The following FLRT1 variants were observed in gnomAD, a reference collection of about 807,000 sequenced individuals.
FLRT1 encodes the protein fibronectin leucine rich transmembrane protein 1.
A neutral mutation model predicts 30.9 loss-of-function variants in FLRT1; 14 were observed. The observed-to-expected ratio is 0.45, with a 90% CI of 0.30 to 0.71. FLRT1 has a LOEUF of 0.71. FLRT1 is among the 30% of genes least tolerant of loss of function. The pLI is 0.08. For missense variants in FLRT1, 737 were observed against 949.2 expected (o/e 0.78, Z 2.94); for synonymous variants, 368 against 430.4 (o/e 0.85, Z 1.80).
chr11:64,114,512 G>A lies in FLRT1; in HGVS notation c.-49-1707G>A, dbSNP rs1204533907. Among the ~76,000 whole-genome samples the A allele has an allele frequency of 2.1e-4, 32 of 149,550 alleles. 2 individuals are homozygous for A. In the Admixed American group the frequency reaches 2.1e-3, roughly 10 times the overall value. On this transcript the variant is annotated intron_variant, in intron 2 of 2. Transcript: ENST00000682287. ...GAATGGATGGATGGATGGATGAATG[G>A]ATGGATGGATGGACAGGTGGATGTA... is the stretch of plus-strand genomic sequence containing the variant.
At chr11:64,048,039 G>A in intron 1 of FLRT1, among the ~76,000 whole-genome samples, 1 of 152,184 alleles carries the variant, frequency 6.6e-6, no homozygotes, top group South Asian at 2.1e-4. Context: ...TGGGGATGCT[G>A]GCAGGCCCTG....
rs1279821872 is a variant in FLRT1, at chr11:64,064,935, C to T, written c.-1038+28776C>T. ...CCAGGCAAGGCGGCAGGCAGGAGGG[C>T]CACCATGGTGACTGAGACAGACTCA... is the stretch of plus-strand genomic sequence containing the variant. On this transcript the variant is annotated intron_variant, in intron 1 of 2. Coordinates refer to ENST00000682287, the MANE Select transcript of FLRT1 (RefSeq NM_013280.5). This position sits in a 1 kb window ranked among gnomAD's most constrained non-coding sequence, Gnocchi z 4.5. 6.6e-6 allele frequency among the ~76,000 whole-genome samples: 1 copy of T among 151,744 alleles called. No individual in the cohort carries two copies. The highest frequency in any genetic ancestry group is 1.5e-5 in the Non-Finnish European group (1 of 67,894).
chr11:64,086,591 G>A (rs1322833730), intron 1 of FLRT1, among the ~76,000 whole-genome samples: 1 of 152,112 alleles, frequency 6.6e-6, no homozygotes, highest in Non-Finnish European at 1.5e-5. Flanking sequence ...TTTGCACAGC[G>A]GTTCTGCGAC....
At chr11:64,079,042 T>C (rs1944257163) in intron 1 of FLRT1, among the ~76,000 whole-genome samples, 1 of 141,332 alleles carries the variant, frequency 7.1e-6, no homozygotes, top group Non-Finnish European at 1.5e-5. Context: ...AGGGGCTTGC[T>C]GAGCCGCTGT....
chr11:64,056,383 C>G (rs1943785855), intron 1 of FLRT1, among the ~76,000 whole-genome samples: 1 of 152,180 alleles, frequency 6.6e-6, no homozygotes. Flanking sequence ...TGAACAGGCC[C>G]CCTCTCCTAG....
At chr11:64,107,344 C>G (rs1002766686) in intron 2 of FLRT1, among the ~76,000 whole-genome samples, 4 of 152,108 alleles carry the variant, frequency 2.6e-5, no homozygotes, top group African/African-American at 7.2e-5. Flanking sequence ...TTCATCCCCC[C>G]ACCCCCTCCT....
chr11:64,043,431 A>T (rs1943526330), intron 1 of FLRT1, among the ~76,000 whole-genome samples: 1 of 152,170 alleles, frequency 6.6e-6, no homozygotes, highest in Non-Finnish European at 1.5e-5. Flanking sequence ...ATCAGGGAGC[A>T]GTGGACTCTA....
intron 1 of FLRT1, among the ~76,000 whole-genome samples, chr11:64,048,348 C>T (rs1943625215): frequency 6.6e-6 from 1 of 152,222 alleles, no homozygotes; most frequent in African/African-American, 2.4e-5. Flanking sequence ...CCTGCCCTGA[C>T]CCGGGGTCAG....
intron 1 of FLRT1, among the ~76,000 whole-genome samples, chr11:64,091,234 C>T (rs1002217501): frequency 2.0e-4 from 30 of 152,066 alleles, no homozygotes; most frequent in African/African-American, 7.2e-4. Context: ...GCAGGGTCTG[C>T]AGCCCACGGA....
chr11:64,118,810 T>C lies in FLRT1; in HGVS notation c.*518T>C, dbSNP rs1945045325. On this transcript the variant is annotated 3_prime_UTR_variant, in exon 3 of 3. Coordinates refer to ENST00000682287, the MANE Select transcript of FLRT1 (RefSeq NM_013280.5). ...AGGAGAGAGGGAAGAAAAGATCTTT[T>C]GCCCTGGAGATATGGTCCTGAAATC... The C allele has an allele frequency of 1.2e-5, 2 of 167,578 alleles. No homozygotes were observed. The highest frequency in any genetic ancestry group is 4.8e-5 in the African/African-American group (2 of 41,460). 10.4% of individuals were successfully genotyped at this position (167,578 alleles called of 1,614,324 possible). A position where few individuals can be genotyped will look rare whatever the true frequency, so the allele number is the denominator to read the frequency against.
chr11:64,073,326 C>T (rs561523935), intron 1 of FLRT1, among the ~76,000 whole-genome samples: 6 of 152,328 alleles, frequency 3.9e-5, no homozygotes, highest in Admixed American at 3.9e-4. Flanking sequence ...AGCAGACTCC[C>T]ACTCCCCCAT....
intron 1 of FLRT1, among the ~76,000 whole-genome samples, chr11:64,044,890 C>A (rs1289022724): frequency 6.6e-6 from 1 of 152,206 alleles, no homozygotes; most frequent in Admixed American, 6.5e-5. Flanking sequence ...TCCTGAGGCC[C>A]CACTGTGTGC....
chr11:64,076,965 C>T (rs1405389260), intron 1 of FLRT1, among the ~76,000 whole-genome samples: 1 of 152,144 alleles, frequency 6.6e-6, no homozygotes, highest in African/African-American at 2.4e-5. Context: ...GGGTTATCAC[C>T]TCCTAAAAAT....
At chr11:64,050,719 A>G (rs1943677413) in intron 1 of FLRT1, among the ~76,000 whole-genome samples, 1 of 152,194 alleles carries the variant, frequency 6.6e-6, no homozygotes. Context: ...CCCGGGTTCA[A>G]GCGATTCTCC....
chr11:64,045,210 C>A (rs559817638), intron 1 of FLRT1, among the ~76,000 whole-genome samples: 9 of 152,140 alleles, frequency 5.9e-5, no homozygotes, highest in African/African-American at 2.2e-4. Flanking sequence ...CCCGCTGGTG[C>A]CCTCGGGAGG....
At position 64,116,665 on chromosome 11, in the gene FLRT1, A is replaced by C; in HGVS notation, c.398A>C (p.His133Pro). The change falls in exon 3 of 3, where the codon CAC becomes CCC. Residue 133 changes from histidine to proline, a missense_variant. Transcript: ENST00000682287. ...CTGCCCCGCTCCCTCCGGGAGCTGC[A>C]CCTGCAGGACAACAATGTGCGCACC... ...INLPRSLREL[H>P]LQDNNVRTIA... is the part of the protein sequence containing the mutation. 1 of 1,613,838 alleles carries C rather than the reference A, an allele frequency of 6.2e-7. No individual in the cohort carries two copies. The highest frequency in any genetic ancestry group is 8.5e-7 in the Non-Finnish European group (1 of 1,179,976).
At chr11:64,061,702 C>CT (rs35179984) in intron 1 of FLRT1, among the ~76,000 whole-genome samples, 32,121 of 141,766 alleles carry the variant, frequency 0.23, 3,703 homozygotes, top group Non-Finnish European at 0.25. Context: ...GTAAATGAGA[C>CT]TTTTTTTTTT....
rs747095942 is a variant in FLRT1, at chr11:64,117,434, T to G, written c.1167T>G (p.Asn389Lys). ...FETGPQGGVANAAAKTTASNH... is the reference protein window; with the variant it reads ...FETGPQGGVAKAAAKTTASNH... ...CGGGGCCGCAGGGCGGCGTGGCCAA[T>G]GCGGCTGCCAAGACCACGGCCAGCA... The change falls in exon 3 of 3, where the codon AAT (asparagine) becomes AAG (lysine). Residue 389 changes from asparagine to lysine, a missense_variant. Asn to Lys is a moderately conservative substitution (Grantham distance 94). Coordinates refer to ENST00000682287, the MANE Select transcript of FLRT1 (RefSeq NM_013280.5). 8.1e-6 allele frequency: 13 copies of G among 1,612,846 alleles called. No individual in the cohort carries two copies. Among genetic ancestry groups the G allele is most frequent in the African/African-American group, 1.3e-5 (1 of 75,042 alleles).
intron 2 of FLRT1, among the ~76,000 whole-genome samples, chr11:64,106,726 GAGA>G (rs1367259111): frequency 6.6e-6 from 1 of 152,212 alleles, no homozygotes; most frequent in Non-Finnish European, 1.5e-5. Flanking sequence ...CGGCTGAGGA[GAGA>G]AGCAGTGCAG....
Sources: gnomAD v4.1 joint callset for allele counts (sites outside exome capture counted in the v4.1 genomes callset) on GRCh38, gnomAD v4.1.1 for gene constraint, Gnocchi (gnomAD v3.1) non-coding constraint, MANE v1.5 for transcripts, NCBI Gene and HGNC (gene_info 2026-07-23, HGNC 2026-07-21) for gene names.